KMT2C: variants seen among roughly 807,000 people sequenced by gnomAD.
KMT2C encodes histone-lysine N-methyltransferase 2C.
Under a neutral mutation model 507.9 loss-of-function variants are expected in KMT2C, and 88 were observed. The ratio of observed to expected loss-of-function variants is 0.17; its 90% CI spans 0.15 to 0.21. The LOEUF (loss-of-function observed/expected upper bound fraction) is 0.21. KMT2C is among the 10% of genes least tolerant of loss of function. The pLI, the probability that KMT2C is intolerant of heterozygous loss-of-function variation, is 1.00. For missense variants in KMT2C, 4,954 were observed against 5,957.8 expected (o/e 0.83, Z 5.55); for synonymous variants, 2,049 against 2,080.8 (o/e 0.98, Z 0.42).
intron 2 of KMT2C, among the ~76,000 whole-genome samples, chr7:152,354,140 T>TA (rs1008851571): frequency 3.9e-5 from 6 of 152,004 alleles, no homozygotes; most frequent in East Asian, 3.9e-4. Flanking sequence ...AAAGCCAGGT[T>TA]AAAAAAAATA....
intron 22 of KMT2C, among the ~76,000 whole-genome samples, chr7:152,221,544 C>G (rs2094772169): frequency 6.6e-6 from 1 of 152,030 alleles, no homozygotes; most frequent in African/African-American, 2.4e-5. Flanking sequence ...CCTGTACTAT[C>G]CAAACATTTT....
intron 2 of KMT2C, among the ~76,000 whole-genome samples, chr7:152,346,482 C>CT (rs1243945237): frequency 6.6e-6 from 1 of 152,114 alleles, no homozygotes; most frequent in East Asian, 1.9e-4. Flanking sequence ...TTCTAAATAA[C>CT]ACATAGGTCA....
intron 1 of KMT2C, chr7:152,366,663 G>A (rs1481849713): frequency 6.5e-6 from 1 of 154,600 alleles, no homozygotes; most frequent in African/African-American, 2.4e-5. Context: ...AAAAAGCTAT[G>A]AAAATGGATA....
At position 152,163,246 on chromosome 7, in the gene KMT2C, C is replaced by G. The variant is rs370129110; in HGVS notation, c.10331G>C (p.Ser3444Thr). ...HGMVGSEISS[S>T]RTSVSQIPFY... ...GGGAATCTGGGACACAGATGTCCTA[C>G]TACTACTTATCTCAGAGCCCACCAT... Residue 3444 changes from serine to threonine, a missense_variant, in exon 43 of 59, where the codon AGT becomes ACT. Ser to Thr is a moderately conservative substitution (Grantham distance 58, BLOSUM62 1). Transcript: ENST00000262189. 5.0e-6 allele frequency: 8 copies of G among 1,614,196 alleles called. No homozygotes were observed. Among genetic ancestry groups the G allele is most frequent in the Non-Finnish European group, 5.1e-6 (6 of 1,180,040 alleles).
intron 9 of KMT2C, among the ~76,000 whole-genome samples, chr7:152,255,130 T>TATATATATATATAC (rs1563606536): frequency 4.9e-5 from 6 of 123,200 alleles, no homozygotes; most frequent in Non-Finnish European, 9.9e-5. Flanking sequence ...TATATATATA[T>TATATATATATATAC]ATATATATAT....
chr7:152,190,036 AT>A (rs1401764280), intron 31 of KMT2C, among the ~76,000 whole-genome samples: 4 of 152,082 alleles, frequency 2.6e-5, no homozygotes, highest in African/African-American at 9.7e-5. Flanking sequence ...CGCAAACCCT[AT>A]TGTGAAGTGT....
At position 152,162,600 on chromosome 7, in the gene KMT2C, C is replaced by A; in HGVS notation, c.10977G>T (p.Glu3659Asp). 6.2e-7 allele frequency: 1 copy of A among 1,614,198 alleles called. No individual in the cohort carries two copies. Among genetic ancestry groups the A allele is most frequent in the Non-Finnish European group, 8.5e-7 (1 of 1,180,026 alleles). ...TGGATGGGCCGACTGGTTCCACCGA[C>A]TCTTGGTCGGCTTGTTGAGGAAGCT... ...PSELPQQADQ[E>D]SVEPVGPSTP... Residue 3659 changes from glutamate to aspartate, a missense_variant, in exon 43 of 59, where the codon GAG (glutamate) becomes GAT (aspartate). Physicochemically the swap from Glu to Asp is conservative, Grantham distance 45 (BLOSUM62 2). Coordinates refer to ENST00000262189, the MANE Select transcript of KMT2C (RefSeq NM_170606.3).
intron 2 of KMT2C, among the ~76,000 whole-genome samples, chr7:152,357,232 TAAC>T (rs1041512763): frequency 2.0e-4 from 29 of 144,696 alleles, no homozygotes; most frequent in Admixed American, 8.2e-4. Context: ...GTCTCAAAAA[TAAC>T]AACAATAGGC....
chr7:152,149,201 G>A lies in KMT2C; in HGVS notation c.12775-49C>T, dbSNP rs778383942. On this transcript the variant is annotated intron_variant, in intron 51 of 58. Coordinates refer to ENST00000262189, the MANE Select transcript of KMT2C (RefSeq NM_170606.3). Reference sequence around the variant, plus strand: ...ACAAAGAAAAATAATTCACAAGCCCGGAAAGCAATTCTTGTTAAGACAAGA... The same window carrying A: ...ACAAAGAAAAATAATTCACAAGCCCAGAAAGCAATTCTTGTTAAGACAAGA... The A allele has an allele frequency of 3.1e-5, 44 of 1,441,094 alleles. No individual in the cohort carries two copies. In the Admixed American group the frequency reaches 5.5e-4, roughly 18 times the overall value. 89.3% of individuals were successfully genotyped at this position (1,441,094 alleles called of 1,614,324 possible).
chr7:152,303,094 T>C (rs575770925), intron 6 of KMT2C, among the ~76,000 whole-genome samples: 1 of 152,240 alleles, frequency 6.6e-6, no homozygotes, highest in East Asian at 1.9e-4. Context: ...AAAACGACGT[T>C]ACCCTTCCTG....
At chr7:152,276,605 T>C (rs1363349303) in intron 6 of KMT2C, among the ~76,000 whole-genome samples, 1 of 151,954 alleles carries the variant, frequency 6.6e-6, no homozygotes, top group East Asian at 1.9e-4. Context: ...ATACAATAAT[T>C]AGGTGGGCAT....
At chr7:152,205,906 C>T (rs186860516) in intron 24 of KMT2C, among the ~76,000 whole-genome samples, 1 of 152,262 alleles carries the variant, frequency 6.6e-6, no homozygotes, top group Admixed American at 6.5e-5. Context: ...CACAAACTAC[C>T]TAGATGACAC....
rs10252263 is a variant in KMT2C at position 152,177,413 on chromosome 7, C to T, written c.8040G>A (p.Gln2680=). The change falls in exon 38 of 59, where the codon CAG becomes CAA. Residue 2680 remains glutamine (Q), a synonymous_variant. Coordinates refer to ENST00000262189, the MANE Select transcript of KMT2C (RefSeq NM_170606.3). ...GTTTTTCCTCTAGACCATCAGAAGG[C>T]TGGGTGGTTATCTGTAAATTATCAG... ...TTSDNLQITT[Q]PSDGLEEKLD... 0.044 allele frequency: 70,626 copies of T among 1,614,006 alleles called. 5,593 individuals carry two copies. The highest frequency in any genetic ancestry group is 0.32 in the African/African-American group (23,672 of 74,952).
intron 1 of KMT2C, among the ~76,000 whole-genome samples, chr7:152,371,593 A>ATT (rs34576588): frequency 2.5e-4 from 38 of 150,128 alleles, no homozygotes; most frequent in African/African-American, 8.8e-4. Context: ...TGGCTGAGTG[A>ATT]TTTTTTTTTT....
chr7:152,211,282 TA>T (rs1240920367), intron 23 of KMT2C, among the ~76,000 whole-genome samples: 1 of 152,176 alleles, frequency 6.6e-6, no homozygotes, highest in African/African-American at 2.4e-5. Flanking sequence ...GGTAGGAAGG[TA>T]AAATAAAGAC....
chr7:152,423,390 A>T (rs1357700249), intron 1 of KMT2C, among the ~76,000 whole-genome samples: 1 of 152,248 alleles, frequency 6.6e-6, no homozygotes, highest in African/African-American at 2.4e-5. Context: ...ACAGGTAGCC[A>T]TGTGAACTCT....
chr7:152,271,074 A>T (rs1445023670), intron 7 of KMT2C, among the ~76,000 whole-genome samples: 1 of 152,188 alleles, frequency 6.6e-6, no homozygotes, highest in Non-Finnish European at 1.5e-5. Flanking sequence ...GAGGTAAAAT[A>T]ACTACCCTTT....
chr7:152,401,520 G>A (rs201463674), intron 1 of KMT2C, among the ~76,000 whole-genome samples: 13 of 149,174 alleles, frequency 8.7e-5, no homozygotes, highest in Middle Eastern at 3.6e-3. Context: ...GAGAAGCCCC[G>A]TCTCTACTAA....
At chr7:152,142,934 C>T (rs911740618) in intron 55 of KMT2C, among the ~76,000 whole-genome samples, 1 of 152,118 alleles carries the variant, frequency 6.6e-6, no homozygotes, top group Non-Finnish European at 1.5e-5. Context: ...ACGGGATCCC[C>T]AGGGAGGTGG....
Sources: gnomAD v4.1 joint callset for allele counts (sites outside exome capture counted in the v4.1 genomes callset) on GRCh38, gnomAD v4.1.1 for gene constraint, MANE v1.5 for transcripts, NCBI Gene and HGNC (gene_info 2026-07-23, HGNC 2026-07-21) for gene names.